The following TTLL12 variants were observed in gnomAD, a reference collection of about 807,000 sequenced individuals.
TTLL12 encodes the protein tubulin--tyrosine ligase-like protein 12.
TTLL12 carries 77 observed loss-of-function variants against 79.6 expected under a neutral mutation model. The ratio of observed to expected loss-of-function variants is 0.97; its 90% CI spans 0.81 to 1.17. TTLL12 has a LOEUF of 1.17. TTLL12 is among the 50% of genes most tolerant of loss of function. The pLI, the probability that TTLL12 is intolerant of heterozygous loss-of-function variation, is 0.00. For missense variants in TTLL12, 969 were observed against 895.9 expected, an observed-to-expected ratio of 1.08 and a Z score of -1.04; for synonymous variants, 437 against 376.1, an observed-to-expected ratio of 1.16 and a Z score of -1.87.
chr22:43,179,445 G>C (rs1401829044), intron 5 of TTLL12, among the ~76,000 whole-genome samples, 174 bp downstream of exon 5: 4 of 152,102 alleles, frequency 2.6e-5, no homozygotes, highest in African/African-American at 9.7e-5. Flanking sequence ...CAGGCAGCTT[G>C]TGTTCACTCT....
At chr22:43,182,434 C>T (rs1245727404) in intron 2 of TTLL12, among the ~76,000 whole-genome samples, 1 of 152,208 alleles carries the variant, frequency 6.6e-6, no homozygotes, top group Non-Finnish European at 1.5e-5. Context: ...TCTGAGGGTC[C>T]ACAAAACCTT....
chr22:43,177,110 A>G (rs1250435970), intron 5 of TTLL12, among the ~76,000 whole-genome samples: 2 of 152,242 alleles, frequency 1.3e-5, no homozygotes, highest in East Asian at 3.9e-4. Context: ...GGCTCAAGCC[A>G]GTAATCCCTG....
intron 5 of TTLL12, among the ~76,000 whole-genome samples, chr22:43,179,288 C>T (rs73418085): frequency 0.024 from 3,640 of 152,212 alleles, 165 homozygotes; most frequent in African/African-American, 0.084. Context: ...TTCCATGCCT[C>T]GGTGAGATGA....
At chr22:43,169,618 C>T (rs761712898) in intron 11 of TTLL12, 50 bp from the exon 12 acceptor site, 6 of 1,589,868 alleles carry the variant, frequency 3.8e-6, no homozygotes, top group South Asian at 1.1e-5. Context: ...TCCGCTGGGC[C>T]GGGAGCAGGC....
intron 2 of TTLL12, among the ~76,000 whole-genome samples, chr22:43,181,998 T>C (rs13053167): frequency 0.032 from 3,985 of 124,992 alleles, 90 homozygotes; most frequent in Admixed American, 0.056. Flanking sequence ...CTCAGGGGGA[T>C]GAAGGCCCGG....
intron 11 of TTLL12, 152 bp downstream of exon 11, chr22:43,171,667 C>T (rs559078545): frequency 3.9e-5 from 24 of 610,542 alleles, no homozygotes; most frequent in African/African-American, 2.6e-4. Context: ...ATGATGGCAG[C>T]GCTAACAATC....
At position 43,180,734 on chromosome 22, in the gene TTLL12, C is replaced by T. The variant is rs762070304; in HGVS notation, c.546+8G>A. On this transcript the variant is annotated splice_region_variant and intron_variant, in intron 3 of 13. Transcript: ENST00000216129. ...CTCCCCCTCCCCGGGGCCCAGCTAC[C>T]CACTCACCCCATGGGCCAGCTGGTA... The T allele has an allele frequency of 9.9e-6, 16 of 1,612,560 alleles. No individual in the cohort carries two copies. Among genetic ancestry groups the T allele is most frequent in the African/African-American group, 6.7e-5 (5 of 74,908 alleles).
At chr22:43,172,682 G>T in intron 9 of TTLL12, 128 bp from the exon 10 acceptor site, 2 of 989,484 alleles carry the variant, frequency 2.0e-6, no homozygotes, top group Non-Finnish European at 1.5e-6. Flanking sequence ...TTTCAAACCT[G>T]CCTAAGTTGC....
rs750868283 is a variant in TTLL12 at position 43,174,562 on chromosome 22, G to T, written c.971C>A (p.Thr324Asn). 1.9e-6 allele frequency: 3 copies of T among 1,613,346 alleles called. No individual in the cohort carries two copies. Among genetic ancestry groups the T allele is most frequent in the African/African-American group, 2.7e-5 (2 of 74,932 alleles). The change falls in exon 7 of 14, where the codon ACC becomes AAC. Residue 324 changes from threonine (T) to asparagine (N), a missense_variant. Thr to Asn is a moderately conservative substitution (Grantham distance 65). Transcript: ENST00000216129. ...GGCGTCCGCCTCACTCTGGGTGAGG[G>T]TGAAGCGCGGGTGGGTGAGGCTGCT... ...VASSLTHPRF[T>N]LTQSEADADI... is the part of the protein sequence containing the mutation.
At position 43,187,054 on chromosome 22, in the gene TTLL12, C is replaced by T; in HGVS notation, c.16G>A (p.Gly6Ser). The T allele has an allele frequency of 5.9e-6, 7 of 1,185,938 alleles. No individual in the cohort carries two copies. Among genetic ancestry groups the T allele is most frequent in the Non-Finnish European group, 7.3e-6 (7 of 958,910 alleles). The allele number at this position is 1,185,938 out of a possible 1,614,324, so 73.5% of individuals were successfully genotyped here. ...CGCTCCGCAGGCCGGCGCTCGGGAC[C>T]CCGCTCGGCCTCCATGGCGCCAGCA... Reference protein sequence around the residue: MEAERGPERRPAERSS... With the variant: MEAERSPERRPAERSS... Residue 6 changes from glycine (G) to serine (S), a missense_variant, in exon 1 of 14, where the codon GGT becomes AGT. By Grantham distance (56) the Gly-to-Ser change is moderately conservative. Transcript: ENST00000216129.
In TTLL12 at chr22:43,176,403, G is replaced by A. The variant is rs1242683926; in HGVS notation, c.841-7C>T. On this transcript the variant is annotated splice_region_variant and splice_polypyrimidine_tract_variant and intron_variant, in intron 5 of 13. Coordinates refer to ENST00000216129, the MANE Select transcript of TTLL12 (RefSeq NM_015140.4). ...TGTTTTCCTCCAGAATGGCCTAAAA[G>A]GAAACACACCGGAAGTAGAGATGAG... is the stretch of plus-strand genomic sequence containing the variant. 1 of 1,602,548 alleles carries A rather than the reference G, an allele frequency of 6.2e-7. No homozygotes were observed. Among genetic ancestry groups the A allele is most frequent in the Non-Finnish European group, 8.5e-7 (1 of 1,175,674 alleles).
rs765375714 is a variant in TTLL12, at chr22:43,173,717, T to C, written c.1339A>G (p.Lys447Glu). 3 of 1,600,692 alleles carry C rather than the reference T, an allele frequency of 1.9e-6. No homozygotes were observed. The highest frequency in any genetic ancestry group is 1.3e-5 in the African/African-American group (1 of 74,718). Residue 447 changes from lysine (K) to glutamate (E), a missense_variant and splice_region_variant, in exon 9 of 14, where the codon AAG becomes GAG. By Grantham distance (56) the Lys-to-Glu change is moderately conservative. Transcript: ENST00000216129. ...GGCTCCTGGTCTGCGGGGCCCACCT[T>C]GGGGGTGCTCTCTCGGTGCCGGATG... ...SIIRHRESTP[K>E]VVSKYIESPV... is the part of the protein sequence containing the mutation.
At chr22:43,180,715 C>T (rs150485320) in intron 3 of TTLL12, 27 bp downstream of exon 3, 20 of 1,610,344 alleles carry the variant, frequency 1.2e-5, no homozygotes, top group Non-Finnish European at 1.7e-5. Flanking sequence ...TGTCCTCCCC[C>T]TCCCCGGGGC....
Position 43,187,094 on chromosome 22 carries a change from A to G in TTLL12, c.-25T>C, listed in dbSNP as rs1404273426. On this transcript the variant is annotated 5_prime_UTR_variant, in exon 1 of 14. Transcript: ENST00000216129. ...TGGCGCCAGCACCCGCGCCGACTCC[A>G]GCGCCGCCACCGCCGCCGCCGCCCG... is the stretch of plus-strand genomic sequence containing the variant. The G allele has an allele frequency of 1.7e-4, 192 of 1,107,148 alleles. No individual in the cohort carries two copies. Among genetic ancestry groups the G allele is most frequent in the Non-Finnish European group, 2.0e-4 (184 of 913,238 alleles). The allele number at this position is 1,107,148 out of a possible 1,614,324, so 68.6% of individuals were successfully genotyped here.
At position 43,167,616 on chromosome 22, in the gene TTLL12, C is replaced by T. The variant is rs1045493143; in HGVS notation, c.*392G>A. On this transcript the variant is annotated 3_prime_UTR_variant, in exon 14 of 14. Transcript: ENST00000216129. Reference sequence around the variant, plus strand: ...ACGCTTCCCGGTGGAACCCTGCTCCCGAGGACACCTTGTCTCGCTCCACGG... The same window carrying T: ...ACGCTTCCCGGTGGAACCCTGCTCCTGAGGACACCTTGTCTCGCTCCACGG... 7.3e-5 allele frequency: 14 copies of T among 190,586 alleles called. No individual in the cohort carries two copies. Among genetic ancestry groups the T allele is most frequent in the African/African-American group, 2.3e-4 (10 of 42,684 alleles). The allele number at this position is 190,586 out of a possible 1,614,324, so 11.8% of individuals were successfully genotyped here.
At chr22:43,170,349 C>G (rs1476755418) in intron 11 of TTLL12, 2 of 198,678 alleles carry the variant, frequency 1.0e-5, no homozygotes, top group Non-Finnish European at 2.1e-5. Flanking sequence ...GACCACTCGG[C>G]CCCTGTGGGG....
rs752157749 is a variant in TTLL12 at position 43,179,611 on chromosome 22, G to A, written c.840+8C>T. ...CAGACAGGCCTGGTGGGTGGAGGAG[G>A]GCTGCACCTGGTAGTGCTCGGCGGG... On this transcript the variant is annotated splice_region_variant and intron_variant, in intron 5 of 13. Transcript: ENST00000216129. 1.9e-6 allele frequency: 3 copies of A among 1,571,376 alleles called. No individual in the cohort carries two copies. Among genetic ancestry groups the A allele is most frequent in the South Asian group, 1.2e-5 (1 of 85,692 alleles).
In TTLL12 at chr22:43,187,008, G is replaced by A. The variant is rs1932202558; in HGVS notation, c.62C>T (p.Pro21Leu). ...GGCCAAGGCCTGCGCGCCCTCCTCC[G>A]GCGTCTGGCCCGGGCTGCTACGCTC... ...PAERSSPGQT[P>L]EEGAQALAEF... Residue 21 changes from proline (P) to leucine (L), a missense_variant, in exon 1 of 14, where the codon CCG becomes CTG. Physicochemically the swap from Pro to Leu is moderately conservative, Grantham distance 98. Transcript: ENST00000216129. 7.8e-7 allele frequency: 1 copy of A among 1,274,390 alleles called. No homozygotes were observed. Among genetic ancestry groups the A allele is most frequent in the South Asian group, 2.2e-5 (1 of 45,456 alleles). 78.9% of individuals were successfully genotyped at this position (1,274,390 alleles called of 1,614,324 possible). A position where few individuals can be genotyped will look rare whatever the true frequency, so the allele number is the denominator to read the frequency against.
chr22:43,172,025 G>A, intron 10 of TTLL12, 125 bp from the exon 11 acceptor site: 1 of 789,444 alleles, frequency 1.3e-6, no homozygotes, highest in Non-Finnish European at 2.1e-6. Context: ...CTGCTGCTCA[G>A]GCGGGAGCCT....
Sources: allele counts gnomAD v4.1 joint callset (sites outside exome capture counted in the v4.1 genomes callset), GRCh38; gene constraint gnomAD v4.1.1; transcripts MANE v1.5; gene names NCBI Gene and HGNC (gene_info 2026-07-23, HGNC 2026-07-21).